PRRC1: variants seen among roughly 807,000 people sequenced by gnomAD.
PRRC1 encodes the protein proline rich coiled-coil 1.
In PRRC1, 39 loss-of-function variants were observed where a neutral mutation model predicts 40.7. That is an observed-to-expected ratio of 0.96 (90% CI 0.74 to 1.25). The LOEUF (loss-of-function observed/expected upper bound fraction) is 1.25, where lower values mean the gene tolerates loss of function less well. Ranked by LOEUF, PRRC1 falls within the 50% of genes most tolerant of loss-of-function variation. The probability of loss-of-function intolerance (pLI) is 0.00; values close to 1 mark genes in which losing one functional copy is unlikely to be tolerated. For synonymous variants in PRRC1, 175 were observed against 193.3 expected, an observed-to-expected ratio of 0.91 and a Z score of 0.79; for missense variants, 573 against 548.3, an observed-to-expected ratio of 1.05 and a Z score of -0.45.
intron 5 of PRRC1, among the ~76,000 whole-genome samples, chr5:127,530,906 C>A (rs1303005739): frequency 6.6e-6 from 1 of 152,098 alleles, no homozygotes; most frequent in Non-Finnish European, 1.5e-5. Context: ...ACTAATCATC[C>A]AGAATCATCC....
intron 8 of PRRC1, chr5:127,550,842 T>C (rs1183285499): frequency 6.6e-6 from 1 of 152,226 alleles, no homozygotes; most frequent in Non-Finnish European, 1.5e-5. Context: ...CTGGACTGTT[T>C]GCATCAGATT....
rs372330058 is a variant in PRRC1 at position 127,533,691 on chromosome 5, G to C, written c.826G>C (p.Ala276Pro). The C allele has an allele frequency of 1.6e-5, 26 of 1,614,146 alleles. No individual in the cohort carries two copies. The highest frequency in any genetic ancestry group is 2.1e-5 in the Non-Finnish European group (25 of 1,179,996). The change falls in exon 6 of 9, where the codon GCC (alanine) becomes CCC (proline). Residue 276 changes from alanine to proline, a missense_variant. Ala to Pro is a conservative substitution (Grantham distance 27, BLOSUM62 -1). Coordinates refer to ENST00000296666, the MANE Select transcript of PRRC1 (RefSeq NM_130809.5). ...AGTAAAAGTTGCTGCTGTCCGAGATGCCTTCCAGGAGGTCTTTGGCTTAGC... is the reference window on the plus strand; with the variant it reads ...AGTAAAAGTTGCTGCTGTCCGAGATCCCTTCCAGGAGGTCTTTGGCTTAGC... ...KEVKVAAVRD[A>P]FQEVFGLAVV...
At chr5:127,545,270 A>G (rs1768183648) in intron 7 of PRRC1, among the ~76,000 whole-genome samples, 1 of 151,954 alleles carries the variant, frequency 6.6e-6, no homozygotes, top group Non-Finnish European at 1.5e-5. Context: ...CATTTGACCC[A>G]GCCATCCCAT....
chr5:127,536,961 A>G lies in PRRC1; in HGVS notation c.922-2079A>G, dbSNP rs542240304. Among the ~76,000 whole-genome samples, 5 of 152,004 alleles carry G rather than the reference A, an allele frequency of 3.3e-5. No individual in the cohort carries two copies. In the South Asian group the frequency reaches 8.3e-4, roughly 25 times the overall value. ...TGGTAACCTGTTTTTGTTCTCCCCA[A>G]TCAGATTTTATTTGAAGTAAATGGG... On this transcript the variant is annotated intron_variant, in intron 6 of 8. Coordinates refer to ENST00000296666, the MANE Select transcript of PRRC1 (RefSeq NM_130809.5).
chr5:127,525,790 A>G (rs1767601015), intron 3 of PRRC1, among the ~76,000 whole-genome samples: 1 of 152,194 alleles, frequency 6.6e-6, no homozygotes, highest in Non-Finnish European at 1.5e-5. Context: ...TGATTAGTAT[A>G]TGGGATGTCA....
Position 127,552,153 on chromosome 5 carries a change from A to T in PRRC1, c.*237A>T. On this transcript the variant is annotated 3_prime_UTR_variant, in exon 9 of 9. Transcript: ENST00000296666. ...TATCATAGTACTCAAAAAAGAAAAT[A>T]TACAAATCTATTTACAGCACAATTT... 7.7e-7 allele frequency: 1 copy of T among 1,305,922 alleles called. No individual in the cohort carries two copies. The highest frequency in any genetic ancestry group is 9.8e-7 in the Non-Finnish European group (1 of 1,025,190). 80.9% of individuals were successfully genotyped at this position (1,305,922 alleles called of 1,614,324 possible).
rs554081332 is a variant in PRRC1 at position 127,523,430 on chromosome 5, A to G, written c.-20-30A>G. 36 of 1,121,980 alleles carry G rather than the reference A, an allele frequency of 3.2e-5. No homozygotes were observed. In the East Asian group the frequency reaches 8.5e-4, roughly 26 times the overall value. 69.5% of individuals were successfully genotyped at this position (1,121,980 alleles called of 1,614,324 possible). A position where few individuals can be genotyped will look rare whatever the true frequency, so the allele number is the denominator to read the frequency against. Reference sequence around the variant, plus strand: ...AAAAATATACTTTTGGTTACTGTGTAATATTTGTTACATTTTTGTGTTTTT... The same window carrying G: ...AAAAATATACTTTTGGTTACTGTGTGATATTTGTTACATTTTTGTGTTTTT... On this transcript the variant is annotated intron_variant, in intron 1 of 8. Transcript: ENST00000296666.
rs1484159866 is a variant in PRRC1, at chr5:127,551,718, A to G, written c.1140A>G (p.Leu380=). Residue 380 remains leucine, a synonymous_variant, in exon 9 of 9, where the codon CTA becomes CTG. Coordinates refer to ENST00000296666, the MANE Select transcript of PRRC1 (RefSeq NM_130809.5). ...TCATCTTTCCACAGGCTCAAAGTCT[A>G]ACTCCCCAGGACTATAATCTGAGGT... is the stretch of plus-strand genomic sequence containing the variant. ...PLEFVQQAQS[L]TPQDYNLRWS... is the part of the protein sequence containing the mutation. 16 of 1,614,080 alleles carry G rather than the reference A, an allele frequency of 9.9e-6. No homozygotes were observed. The highest frequency in any genetic ancestry group is 1.4e-5 in the Non-Finnish European group (16 of 1,179,964).
At chr5:127,542,911 A>G (rs1481996164) in intron 7 of PRRC1, among the ~76,000 whole-genome samples, 8 of 152,242 alleles carry the variant, frequency 5.3e-5, no homozygotes, top group South Asian at 2.1e-4. Flanking sequence ...ATTTGATCCC[A>G]TCATTATGAT....
At chr5:127,544,316 CGG>C (rs1768147970) in intron 7 of PRRC1, among the ~76,000 whole-genome samples, 2 of 152,088 alleles carry the variant, frequency 1.3e-5, no homozygotes, top group African/African-American at 4.8e-5. Flanking sequence ...TTAGGCTGCT[CGG>C]GGGTCAGGGG....
intron 4 of PRRC1, among the ~76,000 whole-genome samples, chr5:127,527,294 T>A (rs1767643496): frequency 6.6e-6 from 1 of 152,228 alleles, no homozygotes; most frequent in Non-Finnish European, 1.5e-5. Flanking sequence ...TTGAGCTGAT[T>A]AACATATGCA....
chr5:127,531,709 G>C (rs1767777547), intron 5 of PRRC1, among the ~76,000 whole-genome samples: 1 of 135,888 alleles, frequency 7.4e-6, no homozygotes, highest in South Asian at 2.3e-4. Flanking sequence ...TACAACCTCT[G>C]CCTCCTGGGT....
At chr5:127,545,706 C>G (rs575363648) in intron 7 of PRRC1, among the ~76,000 whole-genome samples, 19 of 151,520 alleles carry the variant, frequency 1.3e-4, no homozygotes, top group African/African-American at 3.9e-4. Context: ...GTGCAGCACA[C>G]CAGTATGGCA....
chr5:127,531,617 C>T (rs1212033473), intron 5 of PRRC1, among the ~76,000 whole-genome samples: 6 of 99,644 alleles, frequency 6.0e-5, no homozygotes, highest in East Asian at 2.6e-4. Flanking sequence ...TCTTCTTCTT[C>T]TTTTTTTTTT....
rs1428836430 is a variant in PRRC1 at position 127,524,737 on chromosome 5, A to G, written c.310A>G (p.Asn104Asp). The change falls in exon 3 of 9, where the codon AAT becomes GAT. Residue 104 changes from asparagine to aspartate, a missense_variant. Asn to Asp is a conservative substitution (Grantham distance 23, BLOSUM62 1). Transcript: ENST00000296666. ...TCCATCAACTGCTGCTGCCTTCGGT[A>G]ATCCTCCTGTATCTCACTTCCCACC... Reference protein sequence around the residue: ...VSPSTAAAFGNPPVSHFPPST... With the variant: ...VSPSTAAAFGDPPVSHFPPST... The G allele has an allele frequency of 5.6e-6, 9 of 1,614,144 alleles. No individual in the cohort carries two copies. The highest frequency in any genetic ancestry group is 7.6e-6 in the Non-Finnish European group (9 of 1,180,010).
chr5:127,530,074 A>G (rs2127097362), intron 4 of PRRC1, among the ~76,000 whole-genome samples: 1 of 152,262 alleles, frequency 6.6e-6, no homozygotes, highest in South Asian at 2.1e-4. Context: ...CGTGATCTGT[A>G]GATTGCTGCT....
intron 5 of PRRC1, among the ~76,000 whole-genome samples, chr5:127,531,483 G>GA (rs1767767742): frequency 6.6e-6 from 1 of 151,690 alleles, no homozygotes; most frequent in Non-Finnish European, 1.5e-5. Flanking sequence ...TTGAATGAAG[G>GA]AAAAAAAGGA....
At chr5:127,544,996 A>C (rs905446791) in intron 7 of PRRC1, among the ~76,000 whole-genome samples, 1 of 152,232 alleles carries the variant, frequency 6.6e-6, no homozygotes, top group Non-Finnish European at 1.5e-5. Context: ...AGCTGTAGAC[A>C]GGAGCTGTTC....
In PRRC1 at chr5:127,526,792, A is replaced by T. The variant is rs775273206; in HGVS notation, c.654+14A>T. 6.5e-7 allele frequency: 1 copy of T among 1,537,772 alleles called. No individual in the cohort carries two copies. The highest frequency in any genetic ancestry group is 1.3e-5 in the South Asian group (1 of 76,610). On this transcript the variant is annotated intron_variant, in intron 4 of 8. Transcript: ENST00000296666. ...GGTTTTATTAAGGTAAGACGTGTTT[A>T]AAAATTATGTTTAATTTTCTAATTA...
Sources: gnomAD v4.1 joint callset for allele counts (sites outside exome capture counted in the v4.1 genomes callset) on GRCh38, gnomAD v4.1.1 for gene constraint, MANE v1.5 for transcripts, NCBI Gene and HGNC (gene_info 2026-07-23, HGNC 2026-07-21) for gene names.